The following TAF3 variants were observed in gnomAD, a reference collection of about 807,000 sequenced individuals.
TAF3 encodes the protein transcription initiation factor TFIID subunit 3.
TAF3 carries 7 observed loss-of-function variants against 80.6 expected under a neutral mutation model. The observed-to-expected ratio is 0.09, with a 90% CI of 0.05 to 0.16. The LOEUF (loss-of-function observed/expected upper bound fraction) is 0.16, where lower values mean the gene tolerates loss of function less well. TAF3 is among the 10% of genes least tolerant of loss of function. TAF3 has a pLI of 1.00. For synonymous variants in TAF3, 444 were observed against 446.1 expected (o/e 1.00, Z 0.06); for missense variants, 921 against 1,140.2 (o/e 0.81, Z 2.77).
chr10:7,833,841 C>T (rs1281072409), intron 2 of TAF3: 2 of 750,846 alleles, frequency 2.7e-6, no homozygotes, highest in Non-Finnish European at 3.7e-6. Flanking sequence ...GTCTCCCTTC[C>T]TGGGGACCGA....
chr10:7,823,817 T>A (rs1298812609), intron 1 of TAF3, among the ~76,000 whole-genome samples: 1 of 152,028 alleles, frequency 6.6e-6, no homozygotes, highest in Non-Finnish European at 1.5e-5. Context: ...GTATTTTTAG[T>A]AGAGACGGGG....
rs74851498 is a variant in TAF3, at chr10:8,009,000, A to C, written c.2316-78A>C. On this transcript the variant is annotated intron_variant, in intron 4 of 6. Coordinates refer to ENST00000344293, the MANE Select transcript of TAF3 (RefSeq NM_031923.4). ...TCGCTACTGGAAGAAAAGCTATTTT[A>C]CGATCATGTTTTTAAGCACGGGTTT... 1.0e-3 allele frequency: 1,518 copies of C among 1,515,010 alleles called. 12 individuals are homozygous for C. The African/African-American group carries it at 0.019, about 19-fold the overall frequency. 93.8% of individuals were successfully genotyped at this position (1,515,010 alleles called of 1,614,324 possible). A position where few individuals can be genotyped will look rare whatever the true frequency, so the allele number is the denominator to read the frequency against.
chr10:7,963,106 ATACTCC>A (rs1472045052), intron 2 of TAF3, among the ~76,000 whole-genome samples: 1 of 152,190 alleles, frequency 6.6e-6, no homozygotes, highest in Non-Finnish European at 1.5e-5. Flanking sequence ...TCATTGCACC[ATACTCC>A]CTCTCCAAGT....
intron 2 of TAF3, among the ~76,000 whole-genome samples, chr10:7,900,283 AAT>A (rs1837545969): frequency 1.3e-5 from 2 of 152,236 alleles, no homozygotes; most frequent in African/African-American, 2.4e-5. Flanking sequence ...GAAGAATACA[AAT>A]AGTGTTTTGT....
In TAF3 at chr10:7,958,276, T is replaced by C. The variant is rs1254479034; in HGVS notation, c.410-5644T>C. 3.3e-5 allele frequency among the ~76,000 whole-genome samples: 5 copies of C among 152,184 alleles called. No individual in the cohort carries two copies. In the East Asian group the frequency reaches 9.6e-4, roughly 29 times the overall value. On this transcript the variant is annotated intron_variant, in intron 2 of 6. Transcript: ENST00000344293. The stretch of plus-strand genomic sequence containing the variant: ...GTGTAACCATCAACCAAGTCTGCAT[T>C]TGAGCAGGCAGAAGCTAGATCAACT...
chr10:7,942,730 A>G (rs1321070920), intron 2 of TAF3, among the ~76,000 whole-genome samples: 1 of 152,180 alleles, frequency 6.6e-6, no homozygotes, highest in Non-Finnish European at 1.5e-5. Flanking sequence ...CCAAGTGGGC[A>G]GCCGAGGCGT....
intron 4 of TAF3, among the ~76,000 whole-genome samples, chr10:8,008,562 TA>T (rs1180035950): frequency 3.9e-5 from 6 of 152,202 alleles, no homozygotes; most frequent in Non-Finnish European, 8.8e-5. Flanking sequence ...TCCAGCAGCT[TA>T]GGCCAGGTTA....
chr10:7,825,540 C>G (rs926672084), intron 2 of TAF3, among the ~76,000 whole-genome samples: 3 of 152,140 alleles, frequency 2.0e-5, no homozygotes, highest in African/African-American at 7.2e-5. Context: ...TTTTTTGTCT[C>G]TCTGAATTTG....
intron 2 of TAF3, among the ~76,000 whole-genome samples, chr10:7,922,791 A>T (rs923275940): frequency 1.3e-5 from 2 of 152,100 alleles, no homozygotes; most frequent in Non-Finnish European, 2.9e-5. Context: ...ATACAATGCT[A>T]CTTCTTGAAA....
At chr10:7,841,679 A>G (rs1836913691) in intron 2 of TAF3, among the ~76,000 whole-genome samples, 1 of 152,140 alleles carries the variant, frequency 6.6e-6, no homozygotes, top group Non-Finnish European at 1.5e-5. Context: ...TTTGGGAGAT[A>G]TTGGATGGTC....
chr10:7,981,719 C>G (rs1831727784), intron 4 of TAF3, among the ~76,000 whole-genome samples: 1 of 152,222 alleles, frequency 6.6e-6, no homozygotes, highest in Non-Finnish European at 1.5e-5. Context: ...ACTTCATCAT[C>G]AGCCCTCGTC....
At chr10:7,859,873 T>G (rs527824821) in intron 2 of TAF3, among the ~76,000 whole-genome samples, 12 of 152,364 alleles carry the variant, frequency 7.9e-5, no homozygotes, top group Admixed American at 6.5e-4. Flanking sequence ...GATAACTTAT[T>G]ATTTCATAAT....
At chr10:7,901,782 A>G (rs1837560680) in intron 2 of TAF3, among the ~76,000 whole-genome samples, 2 of 152,246 alleles carry the variant, frequency 1.3e-5, no homozygotes, top group Non-Finnish European at 2.9e-5. Context: ...TTACAGCTGA[A>G]TGACTAAGGC....
rs142847119 is a variant in TAF3, at chr10:7,830,443, A to G, written c.409+5883A>G. 1.1e-4 allele frequency among the ~76,000 whole-genome samples: 15 copies of G among 140,030 alleles called. 1 individual carries two copies. In the East Asian group the frequency reaches 3.0e-3, roughly 28 times the overall value. 91.9% of individuals were successfully genotyped at this position (140,030 alleles called of 152,430 possible). A position where few individuals can be genotyped will look rare whatever the true frequency, so the allele number is the denominator to read the frequency against. ...TAGACACATTAATTTAATGTTCTTC[A>G]CACATGCACACCTTTTTCACTTTAC... is the stretch of plus-strand genomic sequence containing the variant. On this transcript the variant is annotated intron_variant, in intron 2 of 6. Transcript: ENST00000344293.
chr10:8,002,874 A>G (rs1384302168), intron 4 of TAF3, among the ~76,000 whole-genome samples: 1 of 152,200 alleles, frequency 6.6e-6, no homozygotes, highest in African/African-American at 2.4e-5. Context: ...TATTAGGTAC[A>G]TACAAATTTT....
intron 2 of TAF3, among the ~76,000 whole-genome samples, chr10:7,957,248 C>T (rs889177783): frequency 6.6e-6 from 1 of 152,150 alleles, no homozygotes; most frequent in Non-Finnish European, 1.5e-5. Flanking sequence ...CCCCAACAGC[C>T]CTCAATTGCT....
chr10:7,931,731 G>A (rs12219763), intron 2 of TAF3, among the ~76,000 whole-genome samples: 25,508 of 152,054 alleles, frequency 0.17, 2,351 homozygotes, highest in East Asian at 0.29. Flanking sequence ...AGTCAATCAG[G>A]CAACAAGTAT....
intron 2 of TAF3, among the ~76,000 whole-genome samples, chr10:7,834,875 C>T (rs60861498): frequency 0.17 from 26,049 of 151,978 alleles, 2,268 homozygotes; most frequent in Admixed American, 0.23. Flanking sequence ...CCGTGTGTAT[C>T]TTGTCAGATC....
chr10:7,850,183 G>A (rs891964506), intron 2 of TAF3, among the ~76,000 whole-genome samples: 12 of 152,176 alleles, frequency 7.9e-5, no homozygotes, highest in African/African-American at 2.9e-4. Context: ...TGATGTACCT[G>A]TGGATTAAAT....
Sources: gnomAD v4.1 joint callset for allele counts (sites outside exome capture counted in the v4.1 genomes callset) on GRCh38, gnomAD v4.1.1 for gene constraint, MANE v1.5 for transcripts, NCBI Gene and HGNC (gene_info 2026-07-23, HGNC 2026-07-21) for gene names.